Variants in CPSF3 observed in about 807,000 individuals in gnomAD.
CPSF3 encodes cleavage and polyadenylation specificity factor subunit 3.
CPSF3 carries 57 observed loss-of-function variants against 84.1 expected under a neutral mutation model. The observed-to-expected ratio is 0.68, with a 90% CI of 0.55 to 0.85. The LOEUF (loss-of-function observed/expected upper bound fraction) is 0.85, where lower values mean the gene tolerates loss of function less well. Ranked by LOEUF, CPSF3 falls within the 40% of genes least tolerant of loss-of-function variation. CPSF3 has a pLI of 0.00. For missense variants in CPSF3, 522 were observed against 838.8 expected, an observed-to-expected ratio of 0.62 and a Z score of 4.66; for synonymous variants, 275 against 278.1, an observed-to-expected ratio of 0.99 and a Z score of 0.11.
chr2:9,454,923 C>A (rs1681471952), intron 12 of CPSF3, among the ~76,000 whole-genome samples: 1 of 152,054 alleles, frequency 6.6e-6, no homozygotes, highest in Non-Finnish European at 1.5e-5. Flanking sequence ...AAGAGCTAAT[C>A]CCAGTATTGC....
At chr2:9,444,289 G>C (rs767447765) in intron 10 of CPSF3, among the ~76,000 whole-genome samples, 25 of 151,034 alleles carry the variant, frequency 1.7e-4, no homozygotes, top group Non-Finnish European at 2.4e-4. Context: ...CACCACACCC[G>C]GCTAATTTTT....
chr2:9,454,609 G>A (rs371177939), intron 12 of CPSF3, among the ~76,000 whole-genome samples: 32 of 139,630 alleles, frequency 2.3e-4, no homozygotes, highest in African/African-American at 7.1e-4. Flanking sequence ...GTGGCGTGCC[G>A]TCTCTGCTTA....
chr2:9,468,033 A>T, intron 16 of CPSF3: 1 of 365,600 alleles, frequency 2.7e-6, no homozygotes, highest in East Asian at 4.3e-5. Flanking sequence ...CAGGGCTGGC[A>T]CAGTTAGCAA....
In CPSF3 at chr2:9,433,895, A is replaced by G; in HGVS notation, c.544A>G (p.Arg182Gly). The change falls in exon 6 of 18, where the codon AGA (arginine) becomes GGA (glycine). Residue 182 changes from arginine (R) to glycine (G), a missense_variant. Coordinates refer to ENST00000238112, the MANE Select transcript of CPSF3 (RefSeq NM_016207.4). ...GCTTTTGTACACTGGTGATTTCTCA[A>G]GACAAGAAGATAGGCACTTAATGGC... The part of the protein sequence containing the change: ...VKLLYTGDFS[R>G]QEDRHLMAAE... 2 of 1,610,982 alleles carry G rather than the reference A, an allele frequency of 1.2e-6. No individual in the cohort carries two copies. The highest frequency in any genetic ancestry group is 1.7e-6 in the Non-Finnish European group (2 of 1,177,854).
intron 11 of CPSF3, among the ~76,000 whole-genome samples, chr2:9,448,903 C>A (rs1468108647): frequency 6.6e-6 from 1 of 152,026 alleles, no homozygotes. Flanking sequence ...TAATCCATAT[C>A]CCCACTTGCT....
In CPSF3 at chr2:9,467,699, T is replaced by C. The variant is rs1682022701; in HGVS notation, c.1787-8T>C. ...AACTGAACTCTCTGTCGCTTTTTTT[T>C]TTCCCAGGTGCAGTACAGAAGGTTT... On this transcript the variant is annotated splice_region_variant and splice_polypyrimidine_tract_variant and intron_variant, in intron 15 of 17. Coordinates refer to ENST00000238112, the MANE Select transcript of CPSF3 (RefSeq NM_016207.4). The C allele has an allele frequency of 1.9e-6, 3 of 1,598,942 alleles. No homozygotes were observed. The highest frequency in any genetic ancestry group is 1.3e-5 in the African/African-American group (1 of 74,100).
chr2:9,470,007 G>A (rs535736290), intron 16 of CPSF3, among the ~76,000 whole-genome samples: 23 of 152,148 alleles, frequency 1.5e-4, no homozygotes, highest in African/African-American at 4.8e-4. Flanking sequence ...TGAGGTTAGG[G>A]GTTCGAGACC....
rs1296605095 is a variant in CPSF3 at position 9,441,955 on chromosome 2, T to G, written c.1074T>G (p.Cys358Trp). 1 of 1,613,974 alleles carries G rather than the reference T, an allele frequency of 6.2e-7. No individual in the cohort carries two copies. The highest frequency in any genetic ancestry group is 1.3e-5 in the African/African-American group (1 of 74,924). Reference protein sequence around the residue: ...KRNGVIIAGYCVEGTLAKHIM... With the variant: ...KRNGVIIAGYWVEGTLAKHIM... ...ATGGTGTCATTATAGCGGGATACTG[T>G]GTAGAAGGGACACTTGCCAAGGTCA... Residue 358 changes from cysteine to tryptophan, a missense_variant, in exon 9 of 18, where the codon TGT becomes TGG. Transcript: ENST00000238112.
rs554849314 is a variant in CPSF3 at position 9,445,716 on chromosome 2, C to T, written c.1242+2055C>T. ...ATTGCTCTTTTGTGTGGTGTCACCACCTCATCCTCAGCCCCATTTCATCCT... is the reference window on the plus strand; with the variant it reads ...ATTGCTCTTTTGTGTGGTGTCACCATCTCATCCTCAGCCCCATTTCATCCT... On this transcript the variant is annotated intron_variant, in intron 10 of 17. Coordinates refer to ENST00000238112, the MANE Select transcript of CPSF3 (RefSeq NM_016207.4). Among the ~76,000 whole-genome samples the T allele has an allele frequency of 6.6e-5, 10 of 152,276 alleles. No individual in the cohort carries two copies. In the East Asian group the frequency reaches 1.9e-3, roughly 29 times the overall value.
At position 9,471,386 on chromosome 2, in the gene CPSF3, A is replaced by C. The variant is rs773435634; in HGVS notation, c.1900A>C (p.Ile634Leu). Residue 634 changes from isoleucine (I) to leucine (L), a missense_variant, in exon 17 of 18, where the codon ATT becomes CTT. By Grantham distance (5) the Ile-to-Leu change is conservative. Coordinates refer to ENST00000238112, the MANE Select transcript of CPSF3 (RefSeq NM_016207.4). ...EDCVSVKDDS[I>L]LSVTVDGKTA... ...CTGTGTAAGTGTAAAGGATGACTCT[A>C]TTCTTAGCGTCACAGTGGACGGGAA... 6.2e-7 allele frequency: 1 copy of C among 1,612,944 alleles called. No individual in the cohort carries two copies. The highest frequency in any genetic ancestry group is 1.1e-5 in the South Asian group (1 of 91,050).
intron 7 of CPSF3, among the ~76,000 whole-genome samples, chr2:9,439,167 C>T (rs1680882430): frequency 6.6e-6 from 1 of 152,116 alleles, no homozygotes; most frequent in Non-Finnish European, 1.5e-5. Flanking sequence ...ATCATTGATA[C>T]ATCAAATGGA....
intron 10 of CPSF3, among the ~76,000 whole-genome samples, chr2:9,447,818 C>T (rs114152153): frequency 0.011 from 1,698 of 152,136 alleles, 15 homozygotes; most frequent in Non-Finnish European, 0.017. Context: ...TTTTCTAAGA[C>T]AGTAGGGTAG....
chr2:9,439,187 T>C (rs993373685), intron 7 of CPSF3, among the ~76,000 whole-genome samples: 3 of 152,228 alleles, frequency 2.0e-5, no homozygotes, highest in Admixed American at 6.5e-5. Context: ...AAGAATAACA[T>C]TCACACAATA....
At chr2:9,438,716 G>A (rs943642655) in intron 7 of CPSF3, among the ~76,000 whole-genome samples, 7 of 151,782 alleles carry the variant, frequency 4.6e-5, no homozygotes, top group East Asian at 1.9e-4. Flanking sequence ...GGCTGGTCTC[G>A]TTAGTATATA....
In CPSF3 at chr2:9,455,741, G is replaced by T; in HGVS notation, c.1587G>T (p.Gln529His). 6.2e-7 allele frequency: 1 copy of T among 1,613,372 alleles called. No individual in the cohort carries two copies. The highest frequency in any genetic ancestry group is 1.1e-5 in the South Asian group (1 of 91,012). ...YTGPFNLLCYQLQKLTGDVEE... is the reference protein window; with the variant it reads ...YTGPFNLLCYHLQKLTGDVEE... ...GTCCCTTTAATTTGCTCTGTTACCAGCTGCAGAAATTGACAGGTGTGTGTG... is the reference window on the plus strand; with the variant it reads ...GTCCCTTTAATTTGCTCTGTTACCATCTGCAGAAATTGACAGGTGTGTGTG... The change falls in exon 13 of 18, where the codon CAG becomes CAT. Residue 529 changes from glutamine to histidine, a missense_variant. Gln to His is a conservative substitution (Grantham distance 24). Coordinates refer to ENST00000238112, the MANE Select transcript of CPSF3 (RefSeq NM_016207.4).
At chr2:9,437,146 G>A (rs952375902) in intron 7 of CPSF3, among the ~76,000 whole-genome samples, 2 of 152,180 alleles carry the variant, frequency 1.3e-5, no homozygotes, top group South Asian at 4.1e-4. Flanking sequence ...GCTCACGCCT[G>A]TAATCCTAGC....
chr2:9,462,480 G>C (rs545307600), intron 15 of CPSF3, among the ~76,000 whole-genome samples: 1 of 152,148 alleles, frequency 6.6e-6, no homozygotes, highest in South Asian at 2.1e-4. Flanking sequence ...TTTTCCATGT[G>C]GCAGAGGAGG....
intron 11 of CPSF3, among the ~76,000 whole-genome samples, chr2:9,451,073 GA>G (rs911217312): frequency 4.0e-4 from 60 of 151,408 alleles, no homozygotes; most frequent in East Asian, 1.9e-3. Flanking sequence ...TATGTGGGGA[GA>G]AAAAAAAAGT....
At chr2:9,468,117 T>G in intron 16 of CPSF3, 1 of 219,680 alleles carries the variant, frequency 4.6e-6, no homozygotes. Flanking sequence ...AGAATTATTT[T>G]ATATATTTAC....
Sources: allele counts gnomAD v4.1 joint callset (sites outside exome capture counted in the v4.1 genomes callset), GRCh38; gene constraint gnomAD v4.1.1; transcripts MANE v1.5; gene names NCBI Gene and HGNC (gene_info 2026-07-23, HGNC 2026-07-21).